IPO8: variants seen among roughly 807,000 people sequenced by gnomAD.
IPO8 encodes the protein importin-8.
A neutral mutation model predicts 141.2 loss-of-function variants in IPO8; 65 were observed. The observed-to-expected ratio is 0.46, with a 90% CI of 0.38 to 0.57. The LOEUF is 0.57. Ranked by LOEUF, IPO8 falls within the 20% of genes least tolerant of loss-of-function variation. The probability of loss-of-function intolerance (pLI) is 0.00; values close to 1 mark genes in which losing one functional copy is unlikely to be tolerated. For missense variants in IPO8, 980 were observed against 1,246.8 expected, an observed-to-expected ratio of 0.79 and a Z score of 3.22; for synonymous variants, 411 against 420.3, an observed-to-expected ratio of 0.98 and a Z score of 0.27.
intron 5 of IPO8, among the ~76,000 whole-genome samples, chr12:30,677,435 A>G (rs1362609766): frequency 6.6e-6 from 1 of 152,180 alleles, no homozygotes; most frequent in South Asian, 2.1e-4. Context: ...CAACTATGCT[A>G]CTAGTTTATA....
chr12:30,662,432 A>G lies in IPO8; in HGVS notation c.1650T>C (p.Ile550=), dbSNP rs2052901204. Residue 550 remains isoleucine, a synonymous_variant, in exon 15 of 25, where the codon ATT becomes ATC. Coordinates refer to ENST00000256079, the MANE Select transcript of IPO8 (RefSeq NM_006390.4). The stretch of plus-strand genomic sequence containing the variant: ...CATCATCATTTTCTGTCTCTCTAAC[A>G]ATGTGCAACAGTTCCTGCATAATAG... ...VRPIMQELLH[I]VRETENDDVT... 1 of 1,613,100 alleles carries G rather than the reference A, an allele frequency of 6.2e-7. No individual in the cohort carries two copies. The highest frequency in any genetic ancestry group is 1.1e-5 in the South Asian group (1 of 91,072).
chr12:30,643,472 A>G (rs981658064), intron 20 of IPO8, among the ~76,000 whole-genome samples: 1 of 152,130 alleles, frequency 6.6e-6, no homozygotes, highest in Non-Finnish European at 1.5e-5. Context: ...GAATACTACT[A>G]TGGTCTCGAT....
rs747850497 is a variant in IPO8 at position 30,637,054 on chromosome 12, C to T, written c.2623G>A (p.Val875Ile). Reference sequence around the variant, plus strand: ...TTTACCAGTTGTCTAGTAGCACAGACCTGCTTTAGGCCAAGGAAAAGGAAA... The same window carrying T: ...TTTACCAGTTGTCTAGTAGCACAGATCTGCTTTAGGCCAAGGAAAAGGAAA... ...ILFLFLGLKQ[V>I]CATRQLVNRE... The change falls in exon 22 of 25, where the codon GTC becomes ATC. Residue 875 changes from valine (V) to isoleucine (I), a missense_variant. Physicochemically the swap from Val to Ile is conservative, Grantham distance 29 (BLOSUM62 3). Transcript: ENST00000256079. 1.2e-6 allele frequency: 2 copies of T among 1,614,056 alleles called. No homozygotes were observed. Among genetic ancestry groups the T allele is most frequent in the Non-Finnish European group, 1.7e-6 (2 of 1,179,956 alleles).
At chr12:30,672,111 T>A (rs1479350411) in intron 8 of IPO8, among the ~76,000 whole-genome samples, 2 of 152,204 alleles carry the variant, frequency 1.3e-5, no homozygotes, top group Non-Finnish European at 1.5e-5. Flanking sequence ...ACCTCTGAAC[T>A]GGCTCAAGGA....
chr12:30,670,772 G>T (rs1418518459), intron 9 of IPO8, among the ~76,000 whole-genome samples, 190 bp downstream of exon 9: 3 of 152,118 alleles, frequency 2.0e-5, no homozygotes, highest in African/African-American at 7.2e-5. Flanking sequence ...AAACTTGAAG[G>T]CTTCACTTTT....
intron 13 of IPO8, among the ~76,000 whole-genome samples, chr12:30,664,284 C>A (rs1339791056): frequency 6.6e-6 from 1 of 152,186 alleles, no homozygotes; most frequent in Non-Finnish European, 1.5e-5. Context: ...CCCTCAGCGT[C>A]CCTAGTCCAC....
At chr12:30,690,684 T>C (rs2053283705) in intron 1 of IPO8, 107 bp from the exon 2 acceptor site, 1 of 579,222 alleles carries the variant, frequency 1.7e-6, no homozygotes, top group African/African-American at 1.9e-5. Context: ...AGAAAAACTT[T>C]TAAACTGAGA....
rs766121963 is a variant in IPO8 at position 30,639,725 on chromosome 12, A to G, written c.2279T>C (p.Leu760Pro). Reference protein sequence around the residue: ...KGRGIDQCIPLFVQLVLERLT... With the variant: ...KGRGIDQCIPPFVQLVLERLT... ...TCTCTCCAAAACAAGTTGAACGAAGAGTGGAATGCACTAGAAGACAAGCAA... is the reference window on the plus strand; with the variant it reads ...TCTCTCCAAAACAAGTTGAACGAAGGGTGGAATGCACTAGAAGACAAGCAA... Residue 760 changes from leucine (L) to proline (P), a missense_variant, in exon 21 of 25, where the codon CTC becomes CCC. Coordinates refer to ENST00000256079, the MANE Select transcript of IPO8 (RefSeq NM_006390.4). The G allele has an allele frequency of 5.0e-6, 8 of 1,613,642 alleles. No individual in the cohort carries two copies. The highest frequency in any genetic ancestry group is 1.1e-5 in the South Asian group (1 of 91,080).
intron 15 of IPO8, among the ~76,000 whole-genome samples, chr12:30,662,017 T>G: frequency 6.6e-6 from 1 of 152,204 alleles, no homozygotes; most frequent in South Asian, 2.1e-4. Flanking sequence ...CATCATTGAA[T>G]GTACTTAGGC....
At chr12:30,638,404 T>G (rs886224528) in intron 21 of IPO8, among the ~76,000 whole-genome samples, 3 of 152,140 alleles carry the variant, frequency 2.0e-5, no homozygotes, top group Non-Finnish European at 2.9e-5. Flanking sequence ...TGTTCCCCCA[T>G]TCCTAACGCC....
At chr12:30,648,417 G>A (rs2052678281) in intron 20 of IPO8, among the ~76,000 whole-genome samples, 1 of 152,158 alleles carries the variant, frequency 6.6e-6, no homozygotes, top group South Asian at 2.1e-4. Context: ...AGCTTGGGGC[G>A]AGTGACTGTT....
At chr12:30,689,152 C>A (rs557322568) in intron 2 of IPO8, among the ~76,000 whole-genome samples, 2 of 151,964 alleles carry the variant, frequency 1.3e-5, no homozygotes, top group Non-Finnish European at 2.9e-5. Context: ...TGGAGAGCCA[C>A]GCATCAAAGC....
rs549409030 is a variant in IPO8, at chr12:30,675,713, G to A, written c.729+785C>T. On this transcript the variant is annotated intron_variant, in intron 6 of 24. Transcript: ENST00000256079. ...AAAAAAATTAGCCGGGCGTGGTGGC[G>A]AGCACCTGTAGTCCCAGCTACTCAG... Among the ~76,000 whole-genome samples, 14 of 150,780 alleles carry A rather than the reference G, an allele frequency of 9.3e-5. No individual in the cohort carries two copies. In the East Asian group the frequency reaches 9.8e-4, roughly 11 times the overall value.
In IPO8 at chr12:30,634,378, C is replaced by T; in HGVS notation, c.2696-92G>A. On this transcript the variant is annotated intron_variant, in intron 22 of 24. Coordinates refer to ENST00000256079, the MANE Select transcript of IPO8 (RefSeq NM_006390.4). ...AAAAACCAAAGACTATAAAACTACA[C>T]TCTGGAAAGGAAAAAATCTTCCACA... The T allele has an allele frequency of 2.0e-6, 2 of 983,824 alleles. 1 individual carries two copies. The highest frequency in any genetic ancestry group is 3.3e-5 in the South Asian group (2 of 60,130). The allele number at this position is 983,824 out of a possible 1,614,324, so 60.9% of individuals were successfully genotyped here.
At chr12:30,694,471 C>T (rs1020104203) in intron 1 of IPO8, among the ~76,000 whole-genome samples, 4 of 152,146 alleles carry the variant, frequency 2.6e-5, no homozygotes, top group African/African-American at 4.8e-5. Flanking sequence ...CAACACGCAG[C>T]TTTTTAAAGT....
chr12:30,658,223 C>G (rs1033616546), intron 16 of IPO8, among the ~76,000 whole-genome samples: 21 of 152,148 alleles, frequency 1.4e-4, no homozygotes, highest in African/African-American at 5.1e-4. Context: ...TGCTTAAGCA[C>G]CTATTTTAGA....
At chr12:30,661,450 A>G (rs1250868351) in intron 15 of IPO8, among the ~76,000 whole-genome samples, 184 bp from the exon 16 acceptor site, 1 of 152,186 alleles carries the variant, frequency 6.6e-6, no homozygotes, top group Non-Finnish European at 1.5e-5. Flanking sequence ...TTTTAAATAT[A>G]GCTATTTACA....
intron 3 of IPO8, among the ~76,000 whole-genome samples, chr12:30,682,378 A>G (rs939225744): frequency 1.2e-4 from 19 of 152,200 alleles, no homozygotes; most frequent in Non-Finnish European, 2.8e-4. Flanking sequence ...CCCAAGTATA[A>G]GAAAGAAACA....
rs773295209 is a variant in IPO8, at chr12:30,630,812, G to T, written c.*48C>A. 5 of 1,480,250 alleles carry T rather than the reference G, an allele frequency of 3.4e-6. 1 individual carries two copies. The Admixed American group carries it at 5.1e-5, about 15-fold the overall frequency. The allele number at this position is 1,480,250 out of a possible 1,614,324, so 91.7% of individuals were successfully genotyped here. A position where few individuals can be genotyped will look rare whatever the true frequency, so the allele number is the denominator to read the frequency against. ...TCCCCTTGACCCTCACACTCCTCTTGTGAAATAAAATGCAGCGATGACATT... is the reference window on the plus strand; with the variant it reads ...TCCCCTTGACCCTCACACTCCTCTTTTGAAATAAAATGCAGCGATGACATT... On this transcript the variant is annotated 3_prime_UTR_variant, in exon 25 of 25. Coordinates refer to ENST00000256079, the MANE Select transcript of IPO8 (RefSeq NM_006390.4).
Sources: allele counts gnomAD v4.1 joint callset (sites outside exome capture counted in the v4.1 genomes callset), GRCh38; gene constraint gnomAD v4.1.1; transcripts MANE v1.5; gene names NCBI Gene and HGNC (gene_info 2026-07-23, HGNC 2026-07-21).